The following NTN1 variants were observed in gnomAD, a reference collection of about 807,000 sequenced individuals.
The protein encoded by NTN1 is netrin 1, also known as netrin-1.
NTN1 carries 11 observed loss-of-function variants against 54.2 expected under a neutral mutation model. The observed-to-expected ratio is 0.20, with a 90% CI of 0.13 to 0.34. The LOEUF (loss-of-function observed/expected upper bound fraction) is 0.34. Among genes scored for constraint, NTN1 ranks in the 10% least tolerant of loss-of-function variants. NTN1 has a pLI of 1.00. For synonymous variants in NTN1, 371 were observed against 382.0 expected, an observed-to-expected ratio of 0.97 and a Z score of 0.33; for missense variants, 740 against 893.1, an observed-to-expected ratio of 0.83 and a Z score of 2.18.
chr17:9,114,093 C>CGGA (rs1364407989), intron 2 of NTN1, among the ~76,000 whole-genome samples: 3 of 136,314 alleles, frequency 2.2e-5, no homozygotes, highest in South Asian at 2.3e-4. Flanking sequence ...ACCTGGGAGG[C>CGGA]GGAGGTTGCA....
chr17:9,050,724 C>CA (rs1349594150), intron 2 of NTN1, among the ~76,000 whole-genome samples: 1 of 150,496 alleles, frequency 6.6e-6, no homozygotes, highest in East Asian at 1.9e-4. Context: ...TGTCATGTAC[C>CA]AGCTAAATCC....
intron 6 of NTN1, among the ~76,000 whole-genome samples, chr17:9,226,392 G>A (rs1291606580): frequency 6.6e-6 from 1 of 151,290 alleles, no homozygotes; most frequent in Admixed American, 6.6e-5. Context: ...AGCAGGCACC[G>A]TGTCTAAGGG....
At chr17:9,090,909 A>G (rs922058685) in intron 2 of NTN1, among the ~76,000 whole-genome samples, 7 of 152,060 alleles carry the variant, frequency 4.6e-5, no homozygotes, top group African/African-American at 1.7e-4. Context: ...CCTCCTTTCC[A>G]TGTCCTCCCC....
At chr17:9,230,380 A>G (rs1332694903) in intron 6 of NTN1, among the ~76,000 whole-genome samples, 1 of 151,934 alleles carries the variant, frequency 6.6e-6, no homozygotes, top group Non-Finnish European at 1.5e-5. Flanking sequence ...GGTGTTTCGG[A>G]GACTTGCTGA....
intron 2 of NTN1, among the ~76,000 whole-genome samples, chr17:9,024,837 T>C (rs1408763690): frequency 6.6e-6 from 1 of 152,224 alleles, no homozygotes; most frequent in Non-Finnish European, 1.5e-5. Context: ...CTGAAGACAC[T>C]TTTCAAGATT....
At chr17:9,133,463 G>T (rs898185875) in intron 2 of NTN1, among the ~76,000 whole-genome samples, 3 of 152,228 alleles carry the variant, frequency 2.0e-5, no homozygotes, top group African/African-American at 7.2e-5. Context: ...TTACTCAGCA[G>T]GTGGTGTCTA....
intron 3 of NTN1, among the ~76,000 whole-genome samples, chr17:9,166,108 C>T (rs1294805541): frequency 6.6e-6 from 1 of 151,352 alleles, no homozygotes; most frequent in Non-Finnish European, 1.5e-5. Flanking sequence ...GGGATGTGTA[C>T]CCTTGAGATC....
At position 9,080,754 on chromosome 17, in the gene NTN1, A is replaced by G. The variant is rs574863126; in HGVS notation, c.1018+57363A>G. On this transcript the variant is annotated intron_variant, in intron 2 of 6. Coordinates refer to ENST00000173229, the MANE Select transcript of NTN1 (RefSeq NM_004822.3). ...AGGTTGGGCTGATCACCCGTGGCCA[A>G]TGATTTAATCAGTCATGCCTGTGTA... 7.2e-5 allele frequency among the ~76,000 whole-genome samples: 11 copies of G among 152,294 alleles called. No homozygotes were observed. The South Asian group carries it at 2.3e-3, about 32-fold the overall frequency.
intron 5 of NTN1, among the ~76,000 whole-genome samples, chr17:9,186,089 CAG>C (rs1364173179): frequency 2.0e-5 from 3 of 152,144 alleles, no homozygotes; most frequent in African/African-American, 7.2e-5. Flanking sequence ...ACATCCCAGG[CAG>C]AGGCCTGTGG....
chr17:9,064,096 G>A (rs1336459397), intron 2 of NTN1, among the ~76,000 whole-genome samples: 1 of 152,194 alleles, frequency 6.6e-6, no homozygotes, highest in South Asian at 2.1e-4. Flanking sequence ...AACAGGAAAG[G>A]GGTTATATTG....
intron 2 of NTN1, among the ~76,000 whole-genome samples, chr17:9,027,905 C>T (rs1228341797): frequency 6.6e-6 from 1 of 151,994 alleles, no homozygotes; most frequent in African/African-American, 2.4e-5. Context: ...AGTCAGAACC[C>T]CTCTTTAAGA....
chr17:9,099,060 A>G (rs1488058201), intron 2 of NTN1, among the ~76,000 whole-genome samples: 1 of 152,134 alleles, frequency 6.6e-6, no homozygotes, highest in East Asian at 1.9e-4. Flanking sequence ...TTCATTTGCT[A>G]TATGGGAAAC....
intron 2 of NTN1, among the ~76,000 whole-genome samples, chr17:9,052,259 C>G (rs1402597633): frequency 1.1e-4 from 17 of 152,220 alleles, no homozygotes; most frequent in Admixed American, 1.1e-3. Context: ...GCATGAGCCA[C>G]CACTCCCGGC....
At chr17:9,019,099 AGAAGAGGT>A (rs1405678758), upstream of NTN1, among the ~76,000 whole-genome samples, 1 of 152,226 alleles carries the variant, frequency 6.6e-6, no homozygotes, top group Non-Finnish European at 1.5e-5. Context: ...TGGCCCACTC[AGAAGAGGT>A]GTAGAGGTTG....
At chr17:9,168,488 C>T (rs888413772) in intron 3 of NTN1, among the ~76,000 whole-genome samples, 3 of 151,658 alleles carry the variant, frequency 2.0e-5, no homozygotes, top group South Asian at 2.1e-4. Flanking sequence ...GCCGAGATTG[C>T]GCCATTGCAC....
At chr17:9,020,054 C>A (rs544081891), upstream of NTN1, among the ~76,000 whole-genome samples, 1 of 152,328 alleles carries the variant, frequency 6.6e-6, no homozygotes, top group South Asian at 2.1e-4. Flanking sequence ...GAAGAGCTGG[C>A]TTGGGTGGCC....
intron 5 of NTN1, among the ~76,000 whole-genome samples, chr17:9,206,613 G>T (rs754366190): frequency 2.0e-5 from 3 of 152,220 alleles, no homozygotes; most frequent in Non-Finnish European, 2.9e-5. Flanking sequence ...CACGGGATGG[G>T]CTTCCAGGCC....
chr17:9,008,406 C>A, the NTN1 span, among the ~76,000 whole-genome samples: 616 of 152,286 alleles, frequency 4.0e-3, 3 homozygotes, highest in South Asian at 0.02. Context: ...GCAACCTCGG[C>A]CTCCTGGGTT....
At chr17:9,233,512 A>G (rs1017799090) in intron 6 of NTN1, among the ~76,000 whole-genome samples, 24 of 151,944 alleles carry the variant, frequency 1.6e-4, no homozygotes, top group Non-Finnish European at 3.5e-4. Flanking sequence ...GGGTGGTGAC[A>G]ATGCAGGGTC....
Sources: allele counts gnomAD v4.1 joint callset (sites outside exome capture counted in the v4.1 genomes callset), GRCh38; gene constraint gnomAD v4.1.1; transcripts MANE v1.5; gene names NCBI Gene and HGNC (gene_info 2026-07-23, HGNC 2026-07-21).